NBEA: variants seen among roughly 807,000 people sequenced by gnomAD.
NBEA encodes the protein lysosomal-trafficking regulator 2.
A neutral mutation model predicts 343.4 loss-of-function variants in NBEA; 44 were observed. The observed-to-expected ratio is 0.13, with a 90% CI of 0.10 to 0.16. The LOEUF is 0.16. Among genes scored for constraint, NBEA ranks in the 10% least tolerant of loss-of-function variants. The pLI is 1.00. For missense variants in NBEA, 2,555 were observed against 3,631.3 expected, an observed-to-expected ratio of 0.70 and a Z score of 7.62; for synonymous variants, 1,175 against 1,238.7, an observed-to-expected ratio of 0.95 and a Z score of 1.08.
intron 26 of NBEA, among the ~76,000 whole-genome samples, chr13:35,172,558 T>C (rs575867166): frequency 2.0e-4 from 30 of 152,194 alleles, no homozygotes; most frequent in South Asian, 4.1e-4. Context: ...TTACTCCCTA[T>C]TTCATTTTTA....
intron 1 of NBEA, among the ~76,000 whole-genome samples, chr13:35,004,103 TGATCTTG>T (rs2061236188): frequency 6.6e-6 from 1 of 152,218 alleles, no homozygotes; most frequent in Non-Finnish European, 1.5e-5. Flanking sequence ...GCAAAGGACA[TGATCTTG>T]TTTCTTTTTA....
chr13:35,474,158 A>G (rs1471858469), intron 41 of NBEA: 1 of 152,616 alleles, frequency 6.6e-6, no homozygotes, highest in East Asian at 1.9e-4. Flanking sequence ...AAAATGCATC[A>G]TTACATCTTG....
intron 41 of NBEA, among the ~76,000 whole-genome samples, chr13:35,486,020 G>A (rs2076291513): frequency 1.3e-5 from 2 of 151,840 alleles, no homozygotes; most frequent in South Asian, 4.2e-4. Context: ...AGATTGTTTA[G>A]TCTAAAAAAT....
At chr13:35,398,588 G>A (rs1198576451) in intron 38 of NBEA, among the ~76,000 whole-genome samples, 7 of 152,188 alleles carry the variant, frequency 4.6e-5, no homozygotes, top group Non-Finnish European at 8.8e-5. Context: ...AAAGCCCCTC[G>A]GTGACCAAGT....
chr13:35,569,603 C>G (rs573227772), intron 45 of NBEA, among the ~76,000 whole-genome samples: 72 of 152,236 alleles, frequency 4.7e-4, no homozygotes, highest in African/African-American at 1.6e-3. Flanking sequence ...CACACATGTG[C>G]TATATGTCAA....
chr13:34,949,318 G>A (rs922589321), intron 1 of NBEA, among the ~76,000 whole-genome samples: 1 of 152,154 alleles, frequency 6.6e-6, no homozygotes, highest in Non-Finnish European at 1.5e-5. Flanking sequence ...ATCCTGACAG[G>A]ATCTCCTGTT....
intron 6 of NBEA, 40 bp downstream of exon 6, chr13:35,050,435 A>G (rs752348329): frequency 1.3e-5 from 20 of 1,580,954 alleles, no homozygotes; most frequent in Non-Finnish European, 1.6e-5. Context: ...ACCTGTTATG[A>G]CAGAATTCTT....
At chr13:35,097,118 TGTTG>T (rs1422805385) in intron 10 of NBEA, among the ~76,000 whole-genome samples, 2 of 151,966 alleles carry the variant, frequency 1.3e-5, no homozygotes, top group Admixed American at 6.6e-5. Context: ...ATAATTTTGC[TGTTG>T]GTTCTTGTTA....
chr13:35,625,417 G>A (rs2153063762), intron 48 of NBEA, among the ~76,000 whole-genome samples: 1 of 152,184 alleles, frequency 6.6e-6, no homozygotes, highest in South Asian at 2.1e-4. Flanking sequence ...AGGAGTTTGA[G>A]ACCAGCCTGG....
chr13:35,645,926 A>T lies in NBEA; in HGVS notation c.7675A>T (p.Ile2559Phe). Residue 2559 changes from isoleucine to phenylalanine, a missense_variant, in exon 50 of 59, where the codon ATT becomes TTT. Physicochemically the swap from Ile to Phe is conservative, Grantham distance 21 (BLOSUM62 0). Coordinates refer to ENST00000379939, the MANE Select transcript of NBEA (RefSeq NM_001385012.1). ...CACTTTCCTTCTTACAAAGGACTTT[A>T]TTAAGGTATATGTTCTGTATTTAGT... ...PHTFLLTKDF[I>F]KAMEAQIQNF... is the part of the protein sequence containing the mutation. 1 of 1,552,964 alleles carries T rather than the reference A, an allele frequency of 6.4e-7. No individual in the cohort carries two copies. The highest frequency in any genetic ancestry group is 1.2e-5 in the South Asian group (1 of 85,228).
chr13:35,161,803 A>G lies in NBEA; in HGVS notation c.3915A>G (p.Leu1305=), dbSNP rs371485717. ...TQQDRDLRVD[L]GFRGMPMTEE... is the part of the protein sequence containing the mutation. ...AAGACCGAGATCTCCGAGTTGATTT[A>G]GGATTTCGAGGAATGCCAATGACTG... Residue 1305 remains leucine, a synonymous_variant, in exon 23 of 59, where the codon TTA becomes TTG. Transcript: ENST00000379939. 6.2e-6 allele frequency: 10 copies of G among 1,612,406 alleles called. No individual in the cohort carries two copies. The highest frequency in any genetic ancestry group is 7.6e-6 in the Non-Finnish European group (9 of 1,179,306).
chr13:35,511,829 A>G (rs907232990), intron 41 of NBEA, among the ~76,000 whole-genome samples: 2 of 152,118 alleles, frequency 1.3e-5, no homozygotes, highest in African/African-American at 4.8e-5. Flanking sequence ...TGTATTGTTA[A>G]TATAGCAGTT....
chr13:35,577,385 G>T (rs2080793570), intron 45 of NBEA, among the ~76,000 whole-genome samples: 1 of 152,134 alleles, frequency 6.6e-6, no homozygotes, highest in Admixed American at 6.5e-5. Flanking sequence ...CAGAAAAAAA[G>T]AATATATATC....
chr13:34,958,357 T>G (rs2152489265), intron 1 of NBEA, among the ~76,000 whole-genome samples: 2 of 152,246 alleles, frequency 1.3e-5, no homozygotes, highest in South Asian at 2.1e-4. Flanking sequence ...CGATTCATTT[T>G]TATTTATAAT....
Position 34,948,319 on chromosome 13 carries a change from CCCAAGGGTAGCGAG to C in NBEA, c.294+5209_294+5222del, listed in dbSNP as rs570526735. Among the ~76,000 whole-genome samples, 559 of 152,204 alleles carry C rather than the reference CCCAAGGGTAGCGAG, an allele frequency of 3.7e-3. 2 individuals carry two copies. The highest frequency in any genetic ancestry group is 6.1e-3 in the Non-Finnish European group (417 of 68,018). The stretch of plus-strand genomic sequence containing the variant: ...GATTGGTTCAGGGACAAACATTTAA[CCCAAGGGTAGCGAG>C]CCAGAGTAGGTTCCAGGAATTGTGC... On this transcript the variant is annotated intron_variant, in intron 1 of 58. Transcript: ENST00000379939.
chr13:35,459,352 T>C (rs2046781205), intron 40 of NBEA, among the ~76,000 whole-genome samples: 1 of 152,168 alleles, frequency 6.6e-6, no homozygotes, highest in Non-Finnish European at 1.5e-5. Context: ...GGGGGCATTA[T>C]GTAGAATTTT....
At chr13:35,077,161 T>C (rs539197725) in intron 10 of NBEA, among the ~76,000 whole-genome samples, 1 of 152,238 alleles carries the variant, frequency 6.6e-6, no homozygotes, top group African/African-American at 2.4e-5. Flanking sequence ...GCTAACTTAG[T>C]ATTATAATTT....
chr13:35,530,670 T>C (rs1369735123), intron 41 of NBEA, among the ~76,000 whole-genome samples: 2 of 152,214 alleles, frequency 1.3e-5, no homozygotes, highest in South Asian at 2.1e-4. Context: ...ACCACCGTTA[T>C]TGAGGGCTTA....
chr13:35,446,104 A>T (rs1163192430), intron 39 of NBEA, among the ~76,000 whole-genome samples: 1 of 151,538 alleles, frequency 6.6e-6, no homozygotes, highest in African/African-American at 2.4e-5. Flanking sequence ...GCTGAGAATG[A>T]TGGTTTCCGG....
Sources: gnomAD v4.1 joint callset for allele counts (sites outside exome capture counted in the v4.1 genomes callset) on GRCh38, gnomAD v4.1.1 for gene constraint, MANE v1.5 for transcripts, NCBI Gene and HGNC (gene_info 2026-07-23, HGNC 2026-07-21) for gene names.